The following SEMA6D variants were observed in gnomAD, a reference collection of about 807,000 sequenced individuals.
SEMA6D encodes the protein semaphorin-6D.
In SEMA6D, 35 loss-of-function variants were observed where a neutral mutation model predicts 106.6. The observed-to-expected ratio is 0.33, with a 90% CI of 0.25 to 0.44. The LOEUF is 0.44. Ranked by LOEUF, SEMA6D falls within the 20% of genes least tolerant of loss-of-function variation. The pLI, the probability that SEMA6D is intolerant of heterozygous loss-of-function variation, is 1.00. For missense variants in SEMA6D, 1,185 were observed against 1,345.9 expected (o/e 0.88, Z 1.87); for synonymous variants, 499 against 487.7 (o/e 1.02, Z -0.31).
intron 1 of SEMA6D, among the ~76,000 whole-genome samples, chr15:47,739,105 A>T (rs1240968212): frequency 6.6e-6 from 1 of 152,222 alleles, no homozygotes; most frequent in African/African-American, 2.4e-5. Flanking sequence ...ACAGCATCAC[A>T]TCACCACATT....
intron 3 of SEMA6D, among the ~76,000 whole-genome samples, chr15:47,593,184 C>T (rs1445352033): frequency 6.6e-6 from 1 of 152,024 alleles, no homozygotes; most frequent in African/African-American, 2.4e-5. Flanking sequence ...GCGGGCGGAT[C>T]ACAAGGTCAG....
intron 2 of SEMA6D, among the ~76,000 whole-genome samples, chr15:47,413,235 AAG>A (rs1236369061): frequency 1.3e-5 from 2 of 152,228 alleles, no homozygotes; most frequent in African/African-American, 4.8e-5. Context: ...TTCTTAATAA[AAG>A]AGAGCACCAT....
chr15:47,234,616 G>T (rs2032422372), intron 1 of SEMA6D, among the ~76,000 whole-genome samples: 1 of 151,948 alleles, frequency 6.6e-6, no homozygotes, highest in African/African-American at 2.4e-5. Context: ...GTTCATTCCT[G>T]AATTACTTCA....
chr15:47,570,899 T>C (rs532246961), intron 3 of SEMA6D, among the ~76,000 whole-genome samples: 3 of 152,334 alleles, frequency 2.0e-5, no homozygotes, highest in Admixed American at 2.0e-4. Flanking sequence ...CTGTGAGAAA[T>C]GCTCCATATG....
intron 1 of SEMA6D, among the ~76,000 whole-genome samples, chr15:47,356,127 C>T (rs911592553): frequency 1.3e-5 from 2 of 152,166 alleles, no homozygotes; most frequent in African/African-American, 4.8e-5. Flanking sequence ...TATTATTTTC[C>T]TTTTCTCCTC....
intron 1 of SEMA6D, among the ~76,000 whole-genome samples, chr15:47,348,810 A>G (rs1447752932): frequency 6.7e-6 from 1 of 150,174 alleles, no homozygotes; most frequent in Non-Finnish European, 1.5e-5. Context: ...GATGAATTCT[A>G]TGGGAGGACT....
rs565604911 is a variant in SEMA6D at position 47,324,176 on chromosome 15, C to T, written c.-238-88217C>T. 3.3e-5 allele frequency among the ~76,000 whole-genome samples: 5 copies of T among 152,208 alleles called. No homozygotes were observed. The South Asian group carries it at 1.0e-3, about 32-fold the overall frequency. ...AACAAATCTAAAGACCAAACAAATGCAGTCAATACATCAATATATAACACA... is the reference window on the plus strand; with the variant it reads ...AACAAATCTAAAGACCAAACAAATGTAGTCAATACATCAATATATAACACA... On this transcript the variant is annotated intron_variant, in intron 1 of 19. Coordinates refer to the SEMA6D transcript ENST00000558014.
At chr15:47,535,723 C>G (rs1326469714) in intron 3 of SEMA6D, among the ~76,000 whole-genome samples, 1 of 151,410 alleles carries the variant, frequency 6.6e-6, no homozygotes, top group African/African-American at 2.4e-5. Context: ...TGGGAGTTTT[C>G]AAAAGTTAGT....
At chr15:47,318,636 A>C (rs918349126) in intron 1 of SEMA6D, among the ~76,000 whole-genome samples, 1 of 138,212 alleles carries the variant, frequency 7.2e-6, no homozygotes, top group Non-Finnish European at 1.6e-5. Flanking sequence ...CATGGTGTAT[A>C]TGTGCCACAT....
At chr15:47,190,995 C>A (rs1389897603) in intron 1 of SEMA6D, among the ~76,000 whole-genome samples, 1 of 152,034 alleles carries the variant, frequency 6.6e-6, no homozygotes, top group Non-Finnish European at 1.5e-5. Flanking sequence ...CATTCGGAGA[C>A]CCTGTCTCTA....
chr15:47,209,582 C>T (rs1348232041), intron 1 of SEMA6D, among the ~76,000 whole-genome samples: 1 of 152,180 alleles, frequency 6.6e-6, no homozygotes, highest in African/African-American at 2.4e-5. Flanking sequence ...ACATATTCCA[C>T]TGTTTCAGTT....
chr15:47,691,272 T>G (rs2078580935), intron 4 of SEMA6D, among the ~76,000 whole-genome samples: 1 of 152,150 alleles, frequency 6.6e-6, no homozygotes, highest in Admixed American at 6.6e-5. Context: ...TGAAGACCTG[T>G]GTAACCCATG....
intron 3 of SEMA6D, among the ~76,000 whole-genome samples, chr15:47,509,418 C>A (rs147256057): frequency 6.6e-6 from 1 of 152,222 alleles, no homozygotes; most frequent in East Asian, 1.9e-4. Context: ...AATTATCAAA[C>A]CCTCTAGTCC....
intron 3 of SEMA6D, among the ~76,000 whole-genome samples, chr15:47,471,165 A>G (rs73388937): frequency 0.044 from 6,764 of 152,202 alleles, 402 homozygotes; most frequent in African/African-American, 0.14. Flanking sequence ...GCAGTCGACA[A>G]TTCTACGCAC....
At chr15:47,465,212 C>G (rs1304497325) in intron 2 of SEMA6D, among the ~76,000 whole-genome samples, 1 of 152,170 alleles carries the variant, frequency 6.6e-6, no homozygotes, top group Non-Finnish European at 1.5e-5. Context: ...CAATGTGTAT[C>G]TGGATTTGTA....
At chr15:47,558,834 A>G (rs984626240) in intron 3 of SEMA6D, among the ~76,000 whole-genome samples, 3 of 152,102 alleles carry the variant, frequency 2.0e-5, no homozygotes, top group African/African-American at 7.2e-5. Flanking sequence ...GAATCAGTGT[A>G]ATTTCCAAAA....
At chr15:47,196,360 T>C (rs1442001197) in intron 1 of SEMA6D, among the ~76,000 whole-genome samples, 1 of 152,180 alleles carries the variant, frequency 6.6e-6, no homozygotes, top group Non-Finnish European at 1.5e-5. Context: ...TCTGAGCCAC[T>C]GTCTGATAGA....
chr15:47,327,702 G>A (rs2037186235), intron 1 of SEMA6D, among the ~76,000 whole-genome samples: 1 of 152,144 alleles, frequency 6.6e-6, no homozygotes, highest in Non-Finnish European at 1.5e-5. Context: ...AGGAAAACAT[G>A]GCATGCTGTG....
At chr15:47,717,925 G>C (rs1422527696) in intron 1 of SEMA6D, among the ~76,000 whole-genome samples, 1 of 151,570 alleles carries the variant, frequency 6.6e-6, no homozygotes, top group Non-Finnish European at 1.5e-5. Context: ...CTCTCTGCCT[G>C]CCGTGCAAGG....
Sources: allele counts gnomAD v4.1 joint callset (sites outside exome capture counted in the v4.1 genomes callset), GRCh38; gene constraint gnomAD v4.1.1; transcripts MANE v1.5; gene names NCBI Gene and HGNC (gene_info 2026-07-23, HGNC 2026-07-21).